The following PDE4D variants were observed in gnomAD, a reference collection of about 807,000 sequenced individuals.
The protein encoded by PDE4D is phosphodiesterase 4D, also known as 3',5'-cyclic-AMP phosphodiesterase 4D.
PDE4D carries 24 observed loss-of-function variants against 87.4 expected under a neutral mutation model. The observed-to-expected ratio is 0.27, with a 90% CI of 0.20 to 0.39. The LOEUF is 0.39. Ranked by LOEUF, PDE4D falls within the 10% of genes least tolerant of loss-of-function variation. PDE4D has a pLI of 1.00. For missense variants in PDE4D, 714 were observed against 1,041.0 expected (o/e 0.69, Z 4.32); for synonymous variants, 384 against 383.2 (o/e 1.00, Z -0.02).
At chr5:59,258,662 T>C (rs907223937) in intron 1 of PDE4D, among the ~76,000 whole-genome samples, 7 of 148,734 alleles carry the variant, frequency 4.7e-5, no homozygotes, top group Non-Finnish European at 4.5e-5. Flanking sequence ...TAGAAATATA[T>C]ATCATATATT....
chr5:60,475,823 GAAAAA>G (rs397792795), intron 1 of PDE4D, among the ~76,000 whole-genome samples: 5 of 95,064 alleles, frequency 5.3e-5, no homozygotes, highest in East Asian at 6.3e-4. Context: ...TCTGTTAAAT[GAAAAA>G]AAAAAAAAAA....
chr5:60,380,209 T>C (rs1035052871), intron 1 of PDE4D, among the ~76,000 whole-genome samples: 4 of 152,336 alleles, frequency 2.6e-5, no homozygotes, highest in African/African-American at 9.6e-5. Flanking sequence ...TTTGAGGATG[T>C]GAACTTAGTG....
At chr5:60,266,361 A>T (rs1750212638) in intron 1 of PDE4D, among the ~76,000 whole-genome samples, 1 of 152,238 alleles carries the variant, frequency 6.6e-6, no homozygotes, top group Non-Finnish European at 1.5e-5. Context: ...AATTTTTATA[A>T]AGAAGGAAAC....
chr5:59,194,225 G>C (rs1487757358), intron 2 of PDE4D, among the ~76,000 whole-genome samples: 1 of 152,216 alleles, frequency 6.6e-6, no homozygotes, highest in Non-Finnish European at 1.5e-5. Context: ...ATTCCAGTTA[G>C]AGGAAAGTGA....
At chr5:59,925,838 C>T (rs958355277) in intron 3 of PDE4D, among the ~76,000 whole-genome samples, 2 of 152,224 alleles carry the variant, frequency 1.3e-5, no homozygotes, top group East Asian at 1.9e-4. Flanking sequence ...TATATATGCA[C>T]TCAACACTAG....
At chr5:60,035,255 CAAA>C (rs55913764) in intron 2 of PDE4D, among the ~76,000 whole-genome samples, 12 of 126,456 alleles carry the variant, frequency 9.5e-5, no homozygotes, top group Non-Finnish European at 8.7e-5. Context: ...GACTCCGTCT[CAAA>C]AAAAAAAAAA....
chr5:60,480,410 T>C (rs1351152300), intron 1 of PDE4D, among the ~76,000 whole-genome samples: 1 of 152,120 alleles, frequency 6.6e-6, no homozygotes, highest in East Asian at 1.9e-4. Context: ...GTATATTAAT[T>C]TACTTAATCT....
At chr5:59,161,381 C>T (rs945243188) in intron 5 of PDE4D, among the ~76,000 whole-genome samples, 8 of 152,034 alleles carry the variant, frequency 5.3e-5, no homozygotes, top group Admixed American at 1.3e-4. Flanking sequence ...GGGAGGGCTT[C>T]GAGGTCACAG....
chr5:59,609,930 G>C (rs1326895934), intron 1 of PDE4D, among the ~76,000 whole-genome samples: 1 of 152,110 alleles, frequency 6.6e-6, no homozygotes, highest in Non-Finnish European at 1.5e-5. Context: ...TTTTTCACTA[G>C]ATTCCTAGAA....
chr5:59,813,106 T>C (rs919768315), intron 1 of PDE4D, among the ~76,000 whole-genome samples: 1 of 152,244 alleles, frequency 6.6e-6, no homozygotes, highest in Admixed American at 6.5e-5. Flanking sequence ...TCTGGGCATT[T>C]GCTTATGGTC....
At chr5:60,060,218 C>T (rs972549747) in intron 2 of PDE4D, among the ~76,000 whole-genome samples, 7 of 152,034 alleles carry the variant, frequency 4.6e-5, no homozygotes, top group African/African-American at 1.7e-4. Context: ...TATGCCCACA[C>T]TACTTTGATA....
intron 1 of PDE4D, among the ~76,000 whole-genome samples, chr5:60,474,253 T>C (rs1336453024): frequency 6.6e-6 from 1 of 150,718 alleles, no homozygotes. Context: ...ATTAAATGTC[T>C]GGTGAGGGCT....
chr5:60,103,859 G>GA (rs1033210218), intron 2 of PDE4D, among the ~76,000 whole-genome samples: 14 of 151,036 alleles, frequency 9.3e-5, no homozygotes, highest in East Asian at 3.9e-4. Context: ...TTAAAAACCT[G>GA]AAAAAAAAAT....
rs534156905 is a variant in PDE4D at position 59,601,602 on chromosome 5, T to C, written c.455+291566A>G. Among the ~76,000 whole-genome samples the C allele has an allele frequency of 5.3e-4, 80 of 152,256 alleles. No homozygotes were observed. In the South Asian group the frequency reaches 0.015, roughly 28 times the overall value. On this transcript the variant is annotated intron_variant, in intron 1 of 14. Transcript: ENST00000340635. ...TGTCTTTCTTTTTCCTCTATGTTTG[T>C]GTGTTCCAGCTCACTGAAATAGGAA...
chr5:59,116,579 C>A (rs1459106952), intron 5 of PDE4D, among the ~76,000 whole-genome samples: 1 of 152,114 alleles, frequency 6.6e-6, no homozygotes, highest in Non-Finnish European at 1.5e-5. Flanking sequence ...AATTACAAAG[C>A]AATGTGTGTC....
At chr5:59,257,753 A>C (rs141239018) in intron 1 of PDE4D, among the ~76,000 whole-genome samples, 158 of 152,174 alleles carry the variant, frequency 1.0e-3, no homozygotes, top group African/African-American at 3.7e-3. Flanking sequence ...TAGCAAGTCA[A>C]ACTCTTGGGA....
chr5:59,911,874 G>A (rs1215462887), intron 3 of PDE4D, among the ~76,000 whole-genome samples: 1 of 152,094 alleles, frequency 6.6e-6, no homozygotes, highest in Non-Finnish European at 1.5e-5. Flanking sequence ...AATGCACTTA[G>A]TTTCTATGAC....
chr5:60,409,904 G>A (rs1018646075), intron 1 of PDE4D, among the ~76,000 whole-genome samples: 3 of 151,956 alleles, frequency 2.0e-5, no homozygotes, highest in African/African-American at 7.3e-5. Context: ...GAAGAACAAA[G>A]CAGTCAGATG....
At chr5:59,325,930 T>C (rs577934472) in intron 1 of PDE4D, among the ~76,000 whole-genome samples, 1 of 152,238 alleles carries the variant, frequency 6.6e-6, no homozygotes, top group South Asian at 2.1e-4. Context: ...TGGAATGCTA[T>C]GCAGCCATAA....
Sources: gnomAD v4.1 joint callset for allele counts (sites outside exome capture counted in the v4.1 genomes callset) on GRCh38, gnomAD v4.1.1 for gene constraint, MANE v1.5 for transcripts, NCBI Gene and HGNC (gene_info 2026-07-23, HGNC 2026-07-21) for gene names.